Variants in CUX1 observed in about 807,000 individuals in gnomAD.
CUX1 encodes the protein protein CASP.
CUX1 carries 31 observed loss-of-function variants against 158.8 expected under a neutral mutation model. The observed-to-expected ratio is 0.20, with a 90% confidence interval of 0.15 to 0.26. The LOEUF is 0.26. Among genes scored for constraint, CUX1 ranks in the 10% least tolerant of loss-of-function variants. CUX1 has a pLI of 1.00. For missense variants in CUX1, 1,589 were observed against 2,014.6 expected, an observed-to-expected ratio of 0.79 and a Z score of 4.04; for synonymous variants, 879 against 862.1, an observed-to-expected ratio of 1.02 and a Z score of -0.34.
In CUX1 at chr7:102,248,206, G is replaced by A. The variant is rs1801021244; in HGVS notation, c.3888-206G>A. On this transcript the variant is annotated intron_variant, in intron 23 of 23. Coordinates refer to ENST00000292535, the MANE Select transcript of CUX1 (RefSeq NM_181552.4). The surrounding 1 kb of genome is among the most constrained non-coding windows in gnomAD (Gnocchi z 5.8). Reference sequence around the variant, plus strand: ...ATAGGGGAGTGGTGTCCCAGCCCTGGGATGGCTCCTGGCCAGGCCCGGAGG... The same window carrying A: ...ATAGGGGAGTGGTGTCCCAGCCCTGAGATGGCTCCTGGCCAGGCCCGGAGG... Among the ~76,000 whole-genome samples the A allele has an allele frequency of 6.6e-6, 1 of 152,192 alleles. No individual in the cohort carries two copies. Among genetic ancestry groups the A allele is most frequent in the Non-Finnish European group, 1.5e-5 (1 of 68,028 alleles).
chr7:102,200,922 C>CTGAGCTGGGAGGATTGCT (rs1372155134), intron 17 of CUX1, among the ~76,000 whole-genome samples: 6 of 144,428 alleles, frequency 4.2e-5, no homozygotes, highest in African/African-American at 1.6e-4. Flanking sequence ...ACTTGGGAGG[C>CTGAGCTGGGAGGATTGCT]TGAGCTGGGA....
At position 102,248,733 on chromosome 7, in the gene CUX1, C is replaced by T; in HGVS notation, c.4209C>T (p.Pro1403=). The T allele has an allele frequency of 9.0e-7, 1 of 1,112,428 alleles. No individual in the cohort carries two copies. The highest frequency in any genetic ancestry group is 1.1e-6 in the Non-Finnish European group (1 of 910,554). The allele number at this position is 1,112,428 out of a possible 1,614,324, so 68.9% of individuals were successfully genotyped here. ...CCGTGGAAGGCCCGGGGCCCCTGCCCAGCCCCGCCTCCGCGACCGCCACCG... is the reference window on the plus strand; with the variant it reads ...CCGTGGAAGGCCCGGGGCCCCTGCCTAGCCCCGCCTCCGCGACCGCCACCG... ...GGPVEGPGPL[P]SPASATATAA... Residue 1403 remains proline, a synonymous_variant, in exon 24 of 24, where the codon CCC becomes CCT. Coordinates refer to ENST00000292535, the MANE Select transcript of CUX1 (RefSeq NM_181552.4). This position sits in a 1 kb window ranked among gnomAD's most constrained non-coding sequence, Gnocchi z 5.8.
chr7:102,086,637 T>C lies in CUX1; in HGVS notation c.269-10727T>C, dbSNP rs140922688. Among the ~76,000 whole-genome samples, 138 of 151,584 alleles carry C rather than the reference T, an allele frequency of 9.1e-4. 1 individual carries two copies. The highest frequency in any genetic ancestry group is 3.4e-3 in the Middle Eastern group (1 of 292). ...CGTTGTTTTTTTTTTTGAGACAGAG[T>C]CTCGCTCTGTCGCCCAGAGTTGAGT... On this transcript the variant is annotated intron_variant, in intron 4 of 23. Transcript: ENST00000292535.
intron 2 of CUX1, among the ~76,000 whole-genome samples, chr7:101,962,792 C>T (rs1322107249): frequency 6.6e-6 from 1 of 152,158 alleles, no homozygotes; most frequent in Non-Finnish European, 1.5e-5. Context: ...GCAATCATAG[C>T]TCACTGCAGC....
intron 2 of CUX1, among the ~76,000 whole-genome samples, chr7:101,967,671 C>G (rs1811402747): frequency 6.6e-6 from 1 of 152,180 alleles, no homozygotes; most frequent in African/African-American, 2.4e-5. Flanking sequence ...ATGGTCTGCA[C>G]TATAGGAAGG....
intron 1 of CUX1, among the ~76,000 whole-genome samples, chr7:101,841,085 G>A (rs1317517530): frequency 6.6e-6 from 1 of 151,938 alleles, no homozygotes; most frequent in Non-Finnish European, 1.5e-5. Flanking sequence ...AATAGAGACG[G>A]GGTTTCACCG....
chr7:101,965,731 C>T (rs191923383), intron 2 of CUX1, among the ~76,000 whole-genome samples: 9 of 151,324 alleles, frequency 5.9e-5, no homozygotes, highest in African/African-American at 2.2e-4. Flanking sequence ...CGCCTGTAGT[C>T]CCAGCTACTC....
chr7:101,940,868 C>G (rs985861507), intron 2 of CUX1, among the ~76,000 whole-genome samples: 1 of 152,170 alleles, frequency 6.6e-6, no homozygotes, highest in Non-Finnish European at 1.5e-5. Flanking sequence ...TCTTGGCAAT[C>G]AGTAGACCAT....
intron 11 of CUX1, among the ~76,000 whole-genome samples, chr7:102,181,232 G>A (rs1357573018): frequency 6.6e-6 from 1 of 152,042 alleles, no homozygotes; most frequent in Non-Finnish European, 1.5e-5. Flanking sequence ...GAGCCACCGC[G>A]AACCAGGTCA....
intron 23 of CUX1, among the ~76,000 whole-genome samples, chr7:102,244,858 A>C (rs570880693): frequency 6.6e-6 from 1 of 152,274 alleles, no homozygotes; most frequent in Non-Finnish European, 1.5e-5. Flanking sequence ...GCCTTGTGTG[A>C]CTTCCCTAAA....
chr7:102,173,875 G>A (rs1472273979), intron 10 of CUX1, among the ~76,000 whole-genome samples: 2 of 152,152 alleles, frequency 1.3e-5, no homozygotes, highest in Non-Finnish European at 2.9e-5. Context: ...TTCCCACATA[G>A]CCAGTGGGTT....
At chr7:101,997,580 A>G (rs1816117687) in intron 2 of CUX1, among the ~76,000 whole-genome samples, 1 of 152,040 alleles carries the variant, frequency 6.6e-6, no homozygotes, top group Non-Finnish European at 1.5e-5. Context: ...CTGAACTCAA[A>G]TGATCCTCCC....
intron 20 of CUX1, among the ~76,000 whole-genome samples, chr7:102,224,761 C>T (rs1221709798): frequency 2.0e-5 from 3 of 152,204 alleles, no homozygotes; most frequent in African/African-American, 7.2e-5. Flanking sequence ...CTCTGAGTTT[C>T]GTGGTGGCTC....
intron 20 of CUX1, among the ~76,000 whole-genome samples, chr7:102,226,271 C>T (rs1798339070): frequency 6.6e-6 from 1 of 152,188 alleles, no homozygotes; most frequent in Admixed American, 6.5e-5. Context: ...TGGCTTATAC[C>T]AGCAAAGAGC....
intron 20 of CUX1, among the ~76,000 whole-genome samples, chr7:102,224,760 T>C (rs1554528073): frequency 6.6e-6 from 1 of 152,186 alleles, no homozygotes; most frequent in East Asian, 1.9e-4. Context: ...CCTCTGAGTT[T>C]CGTGGTGGCT....
chr7:101,962,200 G>C (rs1401492448), intron 2 of CUX1, among the ~76,000 whole-genome samples: 3 of 152,166 alleles, frequency 2.0e-5, no homozygotes, highest in Non-Finnish European at 2.9e-5. Context: ...CTGAAGAGCT[G>C]AAAACACAAA....
chr7:102,038,627 C>T (rs1821712458), intron 3 of CUX1, among the ~76,000 whole-genome samples: 1 of 152,136 alleles, frequency 6.6e-6, no homozygotes, highest in African/African-American at 2.4e-5. Flanking sequence ...TGTACCTTGA[C>T]GCGGCAGTTT....
chr7:102,208,480 A>G (rs782452970), intron 20 of CUX1, among the ~76,000 whole-genome samples: 5 of 152,230 alleles, frequency 3.3e-5, no homozygotes, highest in Non-Finnish European at 5.9e-5. Context: ...ACCTCAGGTG[A>G]TCCACCCGCC....
chr7:101,891,159 A>G (rs577541925), intron 1 of CUX1, among the ~76,000 whole-genome samples: 1 of 152,250 alleles, frequency 6.6e-6, no homozygotes, highest in Non-Finnish European at 1.5e-5. Flanking sequence ...TGGGACTCTA[A>G]TTCAGTGAAG....
Sources: gnomAD v4.1 joint callset for allele counts (sites outside exome capture counted in the v4.1 genomes callset) on GRCh38, gnomAD v4.1.1 for gene constraint, Gnocchi (gnomAD v3.1) non-coding constraint, MANE v1.5 for transcripts, NCBI Gene and HGNC (gene_info 2026-07-23, HGNC 2026-07-21) for gene names.